Variants in RBFOX3 observed in about 807,000 individuals in gnomAD.
RBFOX3 encodes RNA binding fox-1 homolog 3.
Under a neutral mutation model 48.7 loss-of-function variants are expected in RBFOX3, and 17 were observed. The ratio of observed to expected loss-of-function variants is 0.35; its 90% confidence interval spans 0.24 to 0.52. RBFOX3 has a LOEUF of 0.52. RBFOX3 is among the 20% of genes least tolerant of loss of function. RBFOX3 has a pLI of 0.94. For missense variants in RBFOX3, 382 were observed against 497.5 expected (o/e 0.77, Z 2.21); for synonymous variants, 212 against 209.5 (o/e 1.01, Z -0.10).
At chr17:79,359,890 T>C (rs1221190351) in intron 2 of RBFOX3, among the ~76,000 whole-genome samples, 1 of 152,090 alleles carries the variant, frequency 6.6e-6, no homozygotes, top group African/African-American at 2.4e-5. Context: ...CATGCCTGGT[T>C]AATTTTTGTA....
intron 1 of RBFOX3, among the ~76,000 whole-genome samples, chr17:79,491,053 AGAGGGGAGGG>A (rs2080454826): frequency 4.0e-5 from 1 of 25,218 alleles, no homozygotes; most frequent in Non-Finnish European, 6.8e-5. Context: ...GGAGGAAAGG[AGAGGGGAGGG>A]GAGGGGAGGG....
intron 2 of RBFOX3, among the ~76,000 whole-genome samples, chr17:79,377,751 G>A (rs1485860859): frequency 6.6e-6 from 1 of 152,132 alleles, no homozygotes; most frequent in African/African-American, 2.4e-5. Flanking sequence ...TTTGGAAACT[G>A]CAGAAGCCCA....
intron 2 of RBFOX3, among the ~76,000 whole-genome samples, chr17:79,415,376 A>T (rs1365136131): frequency 6.6e-6 from 1 of 152,204 alleles, no homozygotes; most frequent in Non-Finnish European, 1.5e-5. Flanking sequence ...CCTGGGGGTC[A>T]GAGTACCTCC....
chr17:79,185,841 A>G (rs1162607179), intron 4 of RBFOX3, among the ~76,000 whole-genome samples: 1 of 152,132 alleles, frequency 6.6e-6, no homozygotes, highest in Non-Finnish European at 1.5e-5. Flanking sequence ...CACTATATGC[A>G]GACAGTGTGC....
At chr17:79,561,040 CA>C (rs2092180567) in intron 1 of RBFOX3, among the ~76,000 whole-genome samples, 2 of 152,178 alleles carry the variant, frequency 1.3e-5, no homozygotes, top group African/African-American at 4.8e-5. Context: ...TGGCCTCTCC[CA>C]CAATCAGCTG....
At chr17:79,373,015 C>G (rs1014528157) in intron 2 of RBFOX3, among the ~76,000 whole-genome samples, 1 of 152,158 alleles carries the variant, frequency 6.6e-6, no homozygotes, top group Non-Finnish European at 1.5e-5. Flanking sequence ...TGGGGCCGGC[C>G]CACTGGACTT....
At chr17:79,245,390 C>T (rs1289627651) in intron 3 of RBFOX3, among the ~76,000 whole-genome samples, 1 of 151,902 alleles carries the variant, frequency 6.6e-6, no homozygotes, top group Non-Finnish European at 1.5e-5. Flanking sequence ...AATGGTTTTT[C>T]CTTTGATGTT....
At chr17:79,268,468 G>A (rs535496863) in intron 3 of RBFOX3, among the ~76,000 whole-genome samples, 5 of 152,206 alleles carry the variant, frequency 3.3e-5, no homozygotes, top group South Asian at 2.1e-4. Context: ...TCCTCAGCTG[G>A]GGTGCTGCTA....
In RBFOX3 at chr17:79,220,438, C is replaced by T. The variant is rs2059590880; in HGVS notation, c.-34+15328G>A. On this transcript the variant is annotated intron_variant, in intron 4 of 14. Coordinates refer to ENST00000693108, the MANE Select transcript of RBFOX3 (RefSeq NM_001350451.2). The surrounding 1 kb of genome is among the most constrained non-coding windows in gnomAD (Gnocchi z 5.9). ...TGTGTCTCTGCCTCTCGCTTTATTT[C>T]CCCAGGTTGCTCAGCTCCGTGCCTG... Among the ~76,000 whole-genome samples the T allele has an allele frequency of 6.6e-6, 1 of 152,176 alleles. No individual in the cohort carries two copies. Among genetic ancestry groups the T allele is most frequent in the Non-Finnish European group, 1.5e-5 (1 of 68,032 alleles).
intron 4 of RBFOX3, among the ~76,000 whole-genome samples, chr17:79,191,177 T>G (rs1322941736): frequency 6.6e-6 from 1 of 152,122 alleles, no homozygotes; most frequent in African/African-American, 2.4e-5. Flanking sequence ...TTAGAAAATC[T>G]TACTTAACAG....
intron 3 of RBFOX3, among the ~76,000 whole-genome samples, chr17:79,256,724 C>T (rs1183152182): frequency 1.3e-5 from 2 of 152,050 alleles, no homozygotes; most frequent in Non-Finnish European, 1.5e-5. Context: ...TTGAGACCAG[C>T]CTGGCCAAGA....
At chr17:79,092,450 AG>A in intron 14 of RBFOX3, 1 of 985,800 alleles carries the variant, frequency 1.0e-6, no homozygotes, top group Non-Finnish European at 1.2e-6. Context: ...AATAATCTAT[AG>A]ATTTTAGAGT....
chr17:79,644,253 A>G, the RBFOX3 span, among the ~76,000 whole-genome samples: 1 of 151,162 alleles, frequency 6.6e-6, no homozygotes, highest in South Asian at 2.1e-4. Context: ...CTATCAAAAC[A>G]TTCAAAGAAG....
chr17:79,462,520 C>A (rs1230963950), intron 2 of RBFOX3, among the ~76,000 whole-genome samples: 4 of 152,280 alleles, frequency 2.6e-5, no homozygotes, highest in East Asian at 3.9e-4. Flanking sequence ...CAACTGGGGG[C>A]AAGTGTTGCT....
chr17:79,324,075 TGC>T (rs2078956300), intron 2 of RBFOX3, among the ~76,000 whole-genome samples: 2 of 152,146 alleles, frequency 1.3e-5, no homozygotes, highest in Admixed American at 1.3e-4. Flanking sequence ...CCTGGGAGCT[TGC>T]CAGAGCCACA....
In RBFOX3 at chr17:79,117,037, C is replaced by G. The variant is rs369074492; in HGVS notation, c.-33-1289G>C. ...ATGATCCCAAGAGGAGGGCTGGGGT[C>G]TTTCACAGTGCCAGAGAGCAAGGTG... is the stretch of plus-strand genomic sequence containing the variant. On this transcript the variant is annotated intron_variant, in intron 4 of 14. Coordinates refer to ENST00000693108, the MANE Select transcript of RBFOX3 (RefSeq NM_001350451.2). Among the ~76,000 whole-genome samples, 160 of 152,336 alleles carry G rather than the reference C, an allele frequency of 1.1e-3. 4 individuals carry two copies. In the South Asian group the frequency reaches 0.032, roughly 30 times the overall value.
At chr17:79,341,520 G>T (rs1466567564) in intron 2 of RBFOX3, among the ~76,000 whole-genome samples, 1 of 152,186 alleles carries the variant, frequency 6.6e-6, no homozygotes, top group Non-Finnish European at 1.5e-5. Context: ...ACAGTGGCGG[G>T]TGTTGGAAGC....
At chr17:79,637,333 A>G in the RBFOX3 span, among the ~76,000 whole-genome samples, 1 of 152,186 alleles carries the variant, frequency 6.6e-6, no homozygotes, top group Non-Finnish European at 1.5e-5. Flanking sequence ...TTTCTACTCA[A>G]TAGCAGAAAA....
chr17:79,090,647 C>A lies in RBFOX3; in HGVS notation c.*236G>T. The A allele has an allele frequency of 1.9e-6, 1 of 525,328 alleles. No individual in the cohort carries two copies. Among genetic ancestry groups the A allele is most frequent in the South Asian group, 2.8e-5 (1 of 35,380 alleles). The allele number at this position is 525,328 out of a possible 1,614,324, so 32.5% of individuals were successfully genotyped here. On this transcript the variant is annotated 3_prime_UTR_variant, in exon 15 of 15. Coordinates refer to ENST00000693108, the MANE Select transcript of RBFOX3 (RefSeq NM_001350451.2). ...GTTCCCACTGTGCTGCCAGCCAGGA[C>A]GCGGTGGGGCCGTCCTGTCCTGGGG... is the stretch of plus-strand genomic sequence containing the variant.
Sources: allele counts gnomAD v4.1 joint callset (sites outside exome capture counted in the v4.1 genomes callset), GRCh38; gene constraint gnomAD v4.1.1; non-coding constraint Gnocchi (gnomAD v3.1); transcripts MANE v1.5; gene names NCBI Gene and HGNC (gene_info 2026-07-23, HGNC 2026-07-21).